ADAMTS3: variants seen among roughly 807,000 people sequenced by gnomAD.
ADAMTS3 encodes the protein A disintegrin and metalloproteinase with thrombospondin motifs 3.
In ADAMTS3, 73 loss-of-function variants were observed where a neutral mutation model predicts 129.0. That is an observed-to-expected ratio of 0.57 (90% CI 0.47 to 0.69). ADAMTS3 has a LOEUF of 0.69. Among genes scored for constraint, ADAMTS3 ranks in the 30% least tolerant of loss-of-function variants. ADAMTS3 has a pLI of 0.00. For synonymous variants in ADAMTS3, 477 were observed against 510.8 expected, an observed-to-expected ratio of 0.93 and a Z score of 0.89; for missense variants, 1,457 against 1,514.5, an observed-to-expected ratio of 0.96 and a Z score of 0.63.
intron 3 of ADAMTS3, among the ~76,000 whole-genome samples, chr4:72,427,585 A>C (rs1333971122): frequency 6.6e-6 from 1 of 152,096 alleles, no homozygotes; most frequent in African/African-American, 2.4e-5. Flanking sequence ...ATGAGTAAAG[A>C]AAACCAATCT....
intron 2 of ADAMTS3, among the ~76,000 whole-genome samples, chr4:72,566,403 G>A (rs1051562699): frequency 6.6e-6 from 1 of 152,168 alleles, no homozygotes. Context: ...ACCTCACAGT[G>A]TGGCTGTGGG....
intron 3 of ADAMTS3, among the ~76,000 whole-genome samples, chr4:72,539,660 A>G (rs138334651): frequency 2.6e-3 from 402 of 152,272 alleles, no homozygotes; most frequent in African/African-American, 9.1e-3. Flanking sequence ...TACAATTCCC[A>G]TATGTCATGG....
chr4:72,451,719 T>C (rs1718411420), intron 3 of ADAMTS3, among the ~76,000 whole-genome samples: 1 of 150,716 alleles, frequency 6.6e-6, no homozygotes, highest in South Asian at 2.1e-4. Flanking sequence ...ATAAATTATA[T>C]ACGTTAAAGG....
At chr4:72,433,947 T>C (rs150133340) in intron 3 of ADAMTS3, among the ~76,000 whole-genome samples, 227 of 151,920 alleles carry the variant, frequency 1.5e-3, no homozygotes, top group African/African-American at 4.7e-3. Context: ...TCTCTTACAA[T>C]CAAGTACATC....
chr4:72,558,895 A>T (rs1045126636), intron 2 of ADAMTS3, among the ~76,000 whole-genome samples: 1 of 151,688 alleles, frequency 6.6e-6, no homozygotes, highest in African/African-American at 2.4e-5. Context: ...AGCCAATAAA[A>T]TCTCTACCAG....
At chr4:72,511,433 C>A (rs1189894514) in intron 3 of ADAMTS3, among the ~76,000 whole-genome samples, 1 of 152,070 alleles carries the variant, frequency 6.6e-6, no homozygotes. Flanking sequence ...AATCTAATAA[C>A]CTGATCCAAA....
At chr4:72,541,610 G>A (rs1308661755) in intron 3 of ADAMTS3, among the ~76,000 whole-genome samples, 1 of 152,166 alleles carries the variant, frequency 6.6e-6, no homozygotes, top group East Asian at 1.9e-4. Flanking sequence ...CATGTCATGG[G>A]AGGTACTCAG....
At chr4:72,329,722 T>C (rs1174935082) in intron 5 of ADAMTS3, among the ~76,000 whole-genome samples, 4 of 151,750 alleles carry the variant, frequency 2.6e-5, no homozygotes, top group Admixed American at 1.3e-4. Flanking sequence ...ACTTTTCTTC[T>C]CTTAGTAACA....
At chr4:72,410,548 A>G (rs1371600078) in intron 4 of ADAMTS3, among the ~76,000 whole-genome samples, 2 of 152,164 alleles carry the variant, frequency 1.3e-5, no homozygotes, top group African/African-American at 4.8e-5. Context: ...TAGGGATTAA[A>G]TTAAAAATGT....
chr4:72,548,931 C>T, intron 2 of ADAMTS3, 47 bp from the exon 3 acceptor site: 1 of 1,546,346 alleles, frequency 6.5e-7, no homozygotes, highest in Non-Finnish European at 8.7e-7. Context: ...AATAAGAGAA[C>T]ACAGGAGAAC....
At chr4:72,560,855 A>G (rs892025057) in intron 2 of ADAMTS3, among the ~76,000 whole-genome samples, 1 of 152,126 alleles carries the variant, frequency 6.6e-6, no homozygotes, top group Admixed American at 6.5e-5. Context: ...TTAAAATTAA[A>G]TTTTTTTCTA....
At chr4:72,352,557 C>A (rs755308388) in intron 4 of ADAMTS3, among the ~76,000 whole-genome samples, 2 of 151,900 alleles carry the variant, frequency 1.3e-5, no homozygotes, top group African/African-American at 2.4e-5. Context: ...CTGGCTCCTG[C>A]AAACAAACGT....
rs529533218 is a variant in ADAMTS3, at chr4:72,303,177, G to C, written c.2424+740C>G. On this transcript the variant is annotated intron_variant, in intron 17 of 21. Coordinates refer to ENST00000286657, the MANE Select transcript of ADAMTS3 (RefSeq NM_014243.3). ...CTGTGCTGCTGAATGACACCACCTA[G>C]GCACATAAACCACCTCAGATTCCCC... Among the ~76,000 whole-genome samples the C allele has an allele frequency of 4.9e-4, 75 of 152,196 alleles. 1 individual carries two copies. The South Asian group carries it at 0.016, about 32-fold the overall frequency.
At chr4:72,441,286 A>ACTATATAT (rs1287674526) in intron 3 of ADAMTS3, among the ~76,000 whole-genome samples, 44 of 151,808 alleles carry the variant, frequency 2.9e-4, no homozygotes, top group Non-Finnish European at 4.4e-5. Context: ...ATATGAACAC[A>ACTATATAT]CTATATATTT....
chr4:72,350,976 C>T (rs1032002290), intron 4 of ADAMTS3, among the ~76,000 whole-genome samples: 1 of 151,946 alleles, frequency 6.6e-6, no homozygotes, highest in Non-Finnish European at 1.5e-5. Context: ...TCTCTCCAGG[C>T]TCTCAGCTCT....
chr4:72,316,321 G>A (rs375664672), intron 10 of ADAMTS3, among the ~76,000 whole-genome samples: 5 of 152,068 alleles, frequency 3.3e-5, no homozygotes, highest in African/African-American at 1.2e-4. Context: ...AAATATAATG[G>A]TTTGGCAGCT....
intron 4 of ADAMTS3, 68 bp downstream of exon 4, chr4:72,414,747 G>C: frequency 8.5e-7 from 1 of 1,181,852 alleles, no homozygotes; most frequent in South Asian, 3.1e-5. Flanking sequence ...TCTCTTACTT[G>C]ATGGGAGAGT....
intron 3 of ADAMTS3, among the ~76,000 whole-genome samples, chr4:72,485,773 C>A (rs188803339): frequency 6.6e-6 from 1 of 152,216 alleles, no homozygotes; most frequent in Admixed American, 6.5e-5. Flanking sequence ...CTAACCCTTA[C>A]GGTAATGAAA....
chr4:72,465,047 C>T (rs1718882611), intron 3 of ADAMTS3, among the ~76,000 whole-genome samples: 1 of 151,928 alleles, frequency 6.6e-6, no homozygotes, highest in Non-Finnish European at 1.5e-5. Context: ...AGTTGATAAT[C>T]CAGTTCAGGA....
Sources: allele counts gnomAD v4.1 joint callset (sites outside exome capture counted in the v4.1 genomes callset), GRCh38; gene constraint gnomAD v4.1.1; transcripts MANE v1.5; gene names NCBI Gene and HGNC (gene_info 2026-07-23, HGNC 2026-07-21).